ZDHHC9: variants seen among roughly 807,000 people sequenced by gnomAD.
ZDHHC9 encodes palmitoyltransferase ZDHHC9.
Under a neutral mutation model 26.6 loss-of-function variants are expected in ZDHHC9, and 3 were observed. The observed-to-expected ratio is 0.11, with a 90% CI of 0.05 to 0.29. The LOEUF (loss-of-function observed/expected upper bound fraction) is 0.29, where lower values mean the gene tolerates loss of function less well. ZDHHC9 is among the 10% of genes least tolerant of loss of function. The probability of loss-of-function intolerance (pLI) is 1.00; values close to 1 mark genes in which losing one functional copy is unlikely to be tolerated. For missense variants in ZDHHC9, 146 were observed against 296.4 expected (o/e 0.49, Z 3.73); for synonymous variants, 111 against 109.4 (o/e 1.01, Z -0.09).
intron 6 of ZDHHC9, among the ~76,000 whole-genome samples, chrX:129,814,090 T>A (rs527792069): frequency 8.9e-6 from 1 of 111,981 alleles, no homozygotes; most frequent in South Asian, 3.7e-4. Context: ...CCCTCCCTTG[T>A]TCAAAATCCA....
At chrX:129,811,273 C>A (rs759662449) in intron 9 of ZDHHC9, 133 bp downstream of exon 9, 4 of 545,331 alleles carry the variant, frequency 7.3e-6, no homozygotes, top group Non-Finnish European at 1.2e-5. Context: ...AGACATGGTA[C>A]CAAGTGGCAA....
rs1347569624 is a variant in ZDHHC9 at position 129,803,549 on chromosome X, G to A, written c.*2821C>T. 1 of 112,349 alleles carries A rather than the reference G, an allele frequency of 8.9e-6. No individual in the cohort carries two copies. The highest frequency in any genetic ancestry group is 3.2e-5 in the African/African-American group (1 of 30,914). The allele number at this position is 112,349 out of a possible 1,213,427, so 9.3% of individuals were successfully genotyped here. On this transcript the variant is annotated 3_prime_UTR_variant, in exon 11 of 11. Transcript: ENST00000357166. ...TGGTCAGTAGGAACGGGTGCTTTAT[G>A]GGTAAAGGCAGGATGGTCAGGACAG...
In ZDHHC9 at chrX:129,812,781, G is replaced by A. The variant is rs764926279; in HGVS notation, c.714C>T (p.Ser238=). 7 of 1,209,220 alleles carry A rather than the reference G, an allele frequency of 5.8e-6. No homozygotes were observed. The highest frequency in any genetic ancestry group is 5.3e-5 in the South Asian group (3 of 56,820). The change falls in exon 8 of 11, where the codon TCC becomes TCT. Residue 238 remains serine, a synonymous_variant. Transcript: ENST00000357166. ...EVLICFFTLW[S]VVGLTGFHTF... is the part of the protein sequence containing the mutation. ...TATGAAATCCAGTCAGTCCCACGAC[G>A]GACCAGAGTGTAAAGAAGCAAATGA...
chrX:129,810,336 A>G (rs945030824), intron 10 of ZDHHC9, among the ~76,000 whole-genome samples: 5 of 107,546 alleles, frequency 4.6e-5, no homozygotes, highest in African/African-American at 1.8e-4. Context: ...ACAGAGCAAA[A>G]CTCCATCTCA....
At chrX:129,834,624 T>G (rs1928219129) in intron 3 of ZDHHC9, among the ~76,000 whole-genome samples, 1 of 111,726 alleles carries the variant, frequency 9.0e-6, no homozygotes, top group African/African-American at 3.3e-5. Context: ...AAATTTCAGT[T>G]ATAATAACAA....
intron 5 of ZDHHC9, among the ~76,000 whole-genome samples, chrX:129,822,233 G>A (rs1195728689): frequency 9.0e-6 from 1 of 111,525 alleles, no homozygotes; most frequent in Non-Finnish European, 1.9e-5. Context: ...ACCGGATAAA[G>A]AAAATGTGGC....
intron 4 of ZDHHC9, among the ~76,000 whole-genome samples, chrX:129,827,589 C>T (rs995080258): frequency 8.1e-5 from 9 of 110,784 alleles, no homozygotes; most frequent in South Asian, 7.9e-4. Context: ...GATATCTCCT[C>T]CTCTGGCCCT....
chrX:129,803,769 C>A lies in ZDHHC9; in HGVS notation c.*2601G>T, dbSNP rs1178523995. ...AGGTTTGGGATCAGTGCCAACCATC[C>A]TGGCCTGGGAAAGTAGGGTGCATAG... On this transcript the variant is annotated 3_prime_UTR_variant, in exon 11 of 11. Transcript: ENST00000357166. The A allele has an allele frequency of 8.9e-6, 1 of 112,062 alleles. No homozygotes were observed. The highest frequency in any genetic ancestry group is 1.9e-5 in the Non-Finnish European group (1 of 53,222). The allele number at this position is 112,062 out of a possible 1,213,427, so 9.2% of individuals were successfully genotyped here.
chrX:129,829,868 T>G (rs189317236), intron 3 of ZDHHC9, among the ~76,000 whole-genome samples: 19 of 111,776 alleles, frequency 1.7e-4, no homozygotes, highest in Admixed American at 2.9e-4. Context: ...CCAACTCTAC[T>G]CATCTTTCAG....
chrX:129,814,935 TTAC>T, intron 5 of ZDHHC9, 140 bp from the exon 6 acceptor site: 1 of 726,816 alleles, frequency 1.4e-6, no homozygotes. Flanking sequence ...TTTTTTTTTT[TTAC>T]TTTTTCAAAA....
At chrX:129,825,565 T>C (rs1042379323) in intron 4 of ZDHHC9, among the ~76,000 whole-genome samples, 2 of 111,650 alleles carry the variant, frequency 1.8e-5, no homozygotes, top group African/African-American at 6.5e-5. Flanking sequence ...TATGATTTAT[T>C]TAAATATTCC....
In ZDHHC9 at chrX:129,829,867, C is replaced by T. The variant is rs3788851; in HGVS notation, c.168-726G>A. 2.7e-5 allele frequency among the ~76,000 whole-genome samples: 3 copies of T among 111,804 alleles called. No individual in the cohort carries two copies. In the East Asian group the frequency reaches 8.3e-4, roughly 31 times the overall value. The stretch of plus-strand genomic sequence containing the variant: ...TTCCTCTCTGAATATCCCAACTCTA[C>T]TCATCTTTCAGGTGCCAGAGACATC... On this transcript the variant is annotated intron_variant, in intron 3 of 10. Transcript: ENST00000357166.
At chrX:129,807,307 G>A (rs1345555253) in intron 10 of ZDHHC9, among the ~76,000 whole-genome samples, 6 of 108,307 alleles carry the variant, frequency 5.5e-5, no homozygotes, top group Non-Finnish European at 7.7e-5. Flanking sequence ...TTAGCCGGGC[G>A]CGGTGGCGGG....
intron 5 of ZDHHC9, 100 bp from the exon 6 acceptor site, chrX:129,814,895 T>C: frequency 2.1e-6 from 2 of 941,645 alleles, no homozygotes; most frequent in East Asian, 3.2e-5. Context: ...AGGATCATTG[T>C]CTATTTCAGT....
intron 8 of ZDHHC9, among the ~76,000 whole-genome samples, chrX:129,811,937 T>C (rs1569317744): frequency 9.0e-6 from 1 of 111,296 alleles, no homozygotes; most frequent in Non-Finnish European, 1.9e-5. Context: ...TAAATAAACA[T>C]GGAAAAAAGT....
At chrX:129,821,159 C>T (rs910755846) in intron 5 of ZDHHC9, among the ~76,000 whole-genome samples, 7 of 111,747 alleles carry the variant, frequency 6.3e-5, no homozygotes, top group South Asian at 3.7e-4. Flanking sequence ...GGCAAGGTTG[C>T]GGGGAAATAG....
In ZDHHC9 at chrX:129,805,306, CT is replaced by C. The variant is rs1484265951; in HGVS notation, c.*1063del. Reference sequence around the variant, plus strand: ...TGGGCTTTCCCTCACTCAGCCGAGGCTTAATGGAAGAACTGGTTAGCATTTT... The same window carrying C: ...TGGGCTTTCCCTCACTCAGCCGAGGCTAATGGAAGAACTGGTTAGCATTTT... On this transcript the variant is annotated 3_prime_UTR_variant, in exon 11 of 11. Coordinates refer to ENST00000357166, the MANE Select transcript of ZDHHC9 (RefSeq NM_016032.4). 1 of 110,573 alleles carries C rather than the reference CT, an allele frequency of 9.0e-6. No individual in the cohort carries two copies. The highest frequency in any genetic ancestry group is 1.9e-5 in the Non-Finnish European group (1 of 52,846). The allele number at this position is 110,573 out of a possible 1,213,427, so 9.1% of individuals were successfully genotyped here.
At chrX:129,818,114 G>T (rs1179252763) in intron 5 of ZDHHC9, among the ~76,000 whole-genome samples, 2 of 111,774 alleles carry the variant, frequency 1.8e-5, no homozygotes, top group Non-Finnish European at 3.8e-5. Context: ...GCCCTAATCC[G>T]ATGGGACTGG....
rs1003990057 is a variant in ZDHHC9 at position 129,841,786 on chromosome X, C to T, written c.160G>A (p.Ala54Thr). ...TACTCAACCGAAACTCACTCAAAGG[C>T]GAAGAAGAGTGTACATGTCCCCAGG... The part of the protein sequence containing the change: ...LILGTCTLFF[A>T]FECRYLAVQL... Residue 54 changes from alanine (A) to threonine (T), a missense_variant, in exon 3 of 11, where the codon GCC (alanine) becomes ACC (threonine). Ala to Thr is a moderately conservative substitution (Grantham distance 58). Coordinates refer to ENST00000357166, the MANE Select transcript of ZDHHC9 (RefSeq NM_016032.4). 5.8e-6 allele frequency: 7 copies of T among 1,209,650 alleles called. No individual in the cohort carries two copies. The highest frequency in any genetic ancestry group is 4.4e-5 in the Admixed American group (2 of 45,687).
Sources: gnomAD v4.1 joint callset for allele counts (sites outside exome capture counted in the v4.1 genomes callset) on GRCh38, gnomAD v4.1.1 for gene constraint, MANE v1.5 for transcripts, NCBI Gene and HGNC (gene_info 2026-07-23, HGNC 2026-07-21) for gene names.